FLAD1: variants seen among roughly 807,000 people sequenced by gnomAD.
FLAD1 encodes the protein flavin adenine dinucleotide synthetase 1.
A neutral mutation model predicts 55.0 loss-of-function variants in FLAD1; 35 were observed. The observed-to-expected ratio is 0.64, with a 90% CI of 0.49 to 0.84. FLAD1 has a LOEUF of 0.84. Ranked by LOEUF, FLAD1 falls within the 40% of genes least tolerant of loss-of-function variation. The pLI, the probability that FLAD1 is intolerant of heterozygous loss-of-function variation, is 0.00. For synonymous variants in FLAD1, 267 were observed against 303.0 expected (o/e 0.88, Z 1.23); for missense variants, 665 against 742.6 (o/e 0.90, Z 1.21).
At chr1:154,990,754 T>C (rs1266110788) in intron 5 of FLAD1, 9 of 450,514 alleles carry the variant, frequency 2.0e-5, no homozygotes, top group African/African-American at 1.6e-4. Context: ...GAATAGTGAC[T>C]TAGACTTGTG....
intron 1 of FLAD1, 47 bp downstream of exon 1, chr1:154,984,113 C>G (rs1176359881): frequency 2.8e-6 from 4 of 1,434,552 alleles, no homozygotes; most frequent in Admixed American, 2.6e-5. Flanking sequence ...TTCTCCTGTC[C>G]TTAAGGGCCT....
At chr1:154,991,788 G>C (rs1001918307) in intron 5 of FLAD1, among the ~76,000 whole-genome samples, 1 of 151,970 alleles carries the variant, frequency 6.6e-6, no homozygotes, top group Non-Finnish European at 1.5e-5. Context: ...GGAAGTCGAG[G>C]CTGTAGTGAG....
chr1:154,985,533 G>T (rs1657545877), intron 1 of FLAD1, among the ~76,000 whole-genome samples: 1 of 151,718 alleles, frequency 6.6e-6, no homozygotes, highest in Non-Finnish European at 1.5e-5. Flanking sequence ...CTCCCAAGTG[G>T]CTGGGACTAC....
At position 154,992,745 on chromosome 1, in the gene FLAD1, G is replaced by C. The variant is rs1297882125; in HGVS notation, c.1587G>C (p.Leu529=). The C allele has an allele frequency of 6.2e-7, 1 of 1,614,042 alleles. No homozygotes were observed. Among genetic ancestry groups the C allele is most frequent in the Non-Finnish European group, 8.5e-7 (1 of 1,180,040 alleles). ...CCTACAGAGACATCTGGGATTTTCT[G>C]CGTCAGCTGTTTGTCCCATACTGTA... ...DWTYRDIWDF[L]RQLFVPYCIL... The change falls in exon 6 of 7, where the codon CTG becomes CTC. Residue 529 remains leucine (L), a synonymous_variant. Transcript: ENST00000292180.
chr1:154,987,495 A>T (rs1462935890), intron 1 of FLAD1: 1 of 159,756 alleles, frequency 6.3e-6, no homozygotes, highest in Admixed American at 6.0e-5. Flanking sequence ...TTTGAGTCCA[A>T]GAGTGATGCA....
chr1:154,986,107 C>T (rs1388625993), intron 1 of FLAD1, among the ~76,000 whole-genome samples: 1 of 151,752 alleles, frequency 6.6e-6, no homozygotes, highest in Non-Finnish European at 1.5e-5. Context: ...GGCGCAATCT[C>T]AGCTCACTGC....
At position 154,988,086 on chromosome 1, in the gene FLAD1, C is replaced by T. The variant is rs1657695757; in HGVS notation, c.373-19C>T. 2 of 1,614,068 alleles carry T rather than the reference C, an allele frequency of 1.2e-6. No homozygotes were observed. Among genetic ancestry groups the T allele is most frequent in the Non-Finnish European group, 1.7e-6 (2 of 1,180,044 alleles). ...ATCCCTACAGTACTGATGGCCTCAT[C>T]TTCCCCTTCAACCCCCAGGGACACA... On this transcript the variant is annotated intron_variant, in intron 1 of 6. Coordinates refer to ENST00000292180, the MANE Select transcript of FLAD1 (RefSeq NM_025207.5).
At chr1:154,991,255 T>TACAC (rs531522286) in intron 5 of FLAD1, 1 of 136,478 alleles carries the variant, frequency 7.3e-6, no homozygotes, top group African/African-American at 2.7e-5. Flanking sequence ...TATATATATA[T>TACAC]ACACACACAC....
At chr1:154,992,247 A>G (rs1228004153) in intron 5 of FLAD1, among the ~76,000 whole-genome samples, 3 of 151,904 alleles carry the variant, frequency 2.0e-5, no homozygotes, top group Non-Finnish European at 4.4e-5. Context: ...GATGGAGACC[A>G]TCCTGGCTAC....
intron 1 of FLAD1, chr1:154,987,604 A>C (rs1009185018): frequency 5.8e-6 from 1 of 173,912 alleles, no homozygotes; most frequent in African/African-American, 2.4e-5. Flanking sequence ...TGTCCAGGTG[A>C]AAGGTGCTAA....
At chr1:154,991,157 A>T (rs1474831872) in intron 5 of FLAD1, 1 of 147,218 alleles carries the variant, frequency 6.8e-6, no homozygotes, top group Non-Finnish European at 1.5e-5. Flanking sequence ...CAGTGAGCTG[A>T]GATGGCACCA....
chr1:154,992,452 A>AG, intron 5 of FLAD1: 3 of 958,582 alleles, frequency 3.1e-6, no homozygotes. Flanking sequence ...CAAAAAAAAA[A>AG]TAGACGGTTT....
intron 5 of FLAD1, among the ~76,000 whole-genome samples, chr1:154,991,612 C>T (rs573749787): frequency 6.6e-6 from 1 of 152,140 alleles, no homozygotes; most frequent in African/African-American, 2.4e-5. Flanking sequence ...CAAATGACCA[C>T]CATATTAGAC....
Position 154,983,803 on chromosome 1 carries a change from AC to A in FLAD1, c.110del (p.Thr37SerfsTer31). The A allele has an allele frequency of 6.2e-7, 1 of 1,614,142 alleles. No homozygotes were observed. Among genetic ancestry groups the A allele is most frequent in the South Asian group, 1.1e-5 (1 of 91,084 alleles). The part of the protein sequence containing the change: ...TRVFLEGSTR[T>X]PALPHCLFWL... ...GGTCTTCCTCGAAGGAAGCACGCGC[AC>A]GCCTGCTCTCCCCCATTGTCTTTTC... On this transcript the variant is annotated frameshift_variant, in exon 1 of 7. Transcript: ENST00000292180. LOFTEE classifies it high-confidence loss of function.
At chr1:154,986,898 G>A (rs1230529494) in intron 1 of FLAD1, among the ~76,000 whole-genome samples, 2 of 151,126 alleles carry the variant, frequency 1.3e-5, no homozygotes, top group Non-Finnish European at 2.9e-5. Context: ...ACACCTGGTC[G>A]GCAAAAAATC....
In FLAD1 at chr1:154,986,068, G is replaced by A. The variant is rs538933402; in HGVS notation, c.372+2002G>A. Among the ~76,000 whole-genome samples, 165 of 146,902 alleles carry A rather than the reference G, an allele frequency of 1.1e-3. 1 individual carries two copies. Among genetic ancestry groups the A allele is most frequent in the African/African-American group, 3.9e-3 (157 of 39,784 alleles). ...GTGTGTGTGTGTGTGACGGAGTTTC[G>A]CTCCTGCTGCTCACGCTGGAGCGCA... On this transcript the variant is annotated intron_variant, in intron 1 of 6. Coordinates refer to ENST00000292180, the MANE Select transcript of FLAD1 (RefSeq NM_025207.5).
chr1:154,987,799 G>T (rs1657684381), intron 1 of FLAD1: 5 of 582,054 alleles, frequency 8.6e-6, no homozygotes, highest in Non-Finnish European at 1.4e-5. Flanking sequence ...TGAGCTGAAT[G>T]TGGTGGCACG....
At chr1:154,989,763 C>G (rs1657783070) in intron 3 of FLAD1, 56 bp downstream of exon 3, 1 of 1,466,964 alleles carries the variant, frequency 6.8e-7, no homozygotes, top group Non-Finnish European at 9.0e-7. Flanking sequence ...TTCCACATCC[C>G]AGAAAGCAAG....
rs1437989722 is a variant in FLAD1, at chr1:154,983,644, AAG to A, written c.-45_-44del. ...AAGACACTTAAAGTGGTAGGTTCTC[AAG>A]AGAGAAGAAGTTTTTAAGACTAGAG... On this transcript the variant is annotated 5_prime_UTR_variant, in exon 1 of 7. Coordinates refer to ENST00000292180, the MANE Select transcript of FLAD1 (RefSeq NM_025207.5). 6.4e-7 allele frequency: 1 copy of A among 1,550,680 alleles called. No homozygotes were observed. Among genetic ancestry groups the A allele is most frequent in the Non-Finnish European group, 8.7e-7 (1 of 1,147,860 alleles).
Sources: gnomAD v4.1 joint callset for allele counts (sites outside exome capture counted in the v4.1 genomes callset) on GRCh38, gnomAD v4.1.1 for gene constraint, MANE v1.5 for transcripts, NCBI Gene and HGNC (gene_info 2026-07-23, HGNC 2026-07-21) for gene names.